Variants in TLN2 observed in about 807,000 individuals in gnomAD.
The protein encoded by TLN2 is talin-2.
A neutral mutation model predicts 294.7 loss-of-function variants in TLN2; 118 were observed. The ratio of observed to expected loss-of-function variants is 0.40; its 90% CI spans 0.34 to 0.47. The LOEUF (loss-of-function observed/expected upper bound fraction) is 0.47, where lower values mean the gene tolerates loss of function less well. TLN2 is among the 20% of genes least tolerant of loss of function. TLN2 has a pLI of 0.84. For missense variants in TLN2, 3,083 were observed against 3,282.2 expected, an observed-to-expected ratio of 0.94 and a Z score of 1.48; for synonymous variants, 1,431 against 1,304.5, an observed-to-expected ratio of 1.10 and a Z score of -2.09.
chr15:62,542,153 C>T (rs144445894), intron 1 of TLN2, among the ~76,000 whole-genome samples: 14 of 152,118 alleles, frequency 9.2e-5, no homozygotes, highest in Admixed American at 8.5e-4. Context: ...ATGCTTAATT[C>T]AGTTGTCTTC....
intron 32 of TLN2, among the ~76,000 whole-genome samples, chr15:62,742,072 T>A (rs28508395): frequency 0.057 from 8,078 of 142,176 alleles, 378 homozygotes; most frequent in African/African-American, 0.12. Context: ...TGTGTGTGTG[T>A]GTGAAGGGTT....
chr15:62,488,910 C>T (rs940317683), intron 1 of TLN2, among the ~76,000 whole-genome samples: 5 of 152,326 alleles, frequency 3.3e-5, no homozygotes, highest in African/African-American at 7.2e-5. Context: ...CGCCTGTAAT[C>T]GCAGCACTTT....
chr15:62,766,112 C>A (rs1243723332), intron 40 of TLN2, among the ~76,000 whole-genome samples: 4 of 152,178 alleles, frequency 2.6e-5, no homozygotes, highest in Admixed American at 6.5e-5. Context: ...GTTGCAAAAG[C>A]ATCTCTCATG....
At position 62,491,345 on chromosome 15, in the gene TLN2, TATATATACAC is replaced by T. The variant is rs1361757880; in HGVS notation, c.-237-98340_-237-98331del. On this transcript the variant is annotated intron_variant, in intron 1 of 58. Coordinates refer to ENST00000636159, the MANE Select transcript of TLN2 (RefSeq NM_015059.3). ...CTGTCTCAAAAAAAAAAAATATATA[TATATATACAC>T]ACACACACACACACACACACACACA... Among the ~76,000 whole-genome samples, 143 of 115,184 alleles carry T rather than the reference TATATATACAC, an allele frequency of 1.2e-3. 1 individual carries two copies. The highest frequency in any genetic ancestry group is 4.1e-3 in the African/African-American group (129 of 31,422). 75.6% of individuals were successfully genotyped at this position (115,184 alleles called of 152,430 possible).
intron 1 of TLN2, among the ~76,000 whole-genome samples, chr15:62,465,651 T>C (rs2037092500): frequency 6.6e-6 from 1 of 152,218 alleles, no homozygotes; most frequent in Non-Finnish European, 1.5e-5. Flanking sequence ...TCTCTATCCA[T>C]GAAACAATGG....
At position 62,739,406 on chromosome 15, in the gene TLN2, C is replaced by T. The variant is rs761170265; in HGVS notation, c.3746C>T (p.Ala1249Val). The change falls in exon 31 of 59, where the codon GCT (alanine) becomes GTT (valine). Residue 1249 changes from alanine to valine, a missense_variant. Transcript: ENST00000636159. ...EAQSELNQAA[A>V]DLNQSAGEVV... ...CAGAGTGAACTGAACCAGGCAGCAG[C>T]TGATCTGAACCAGTCTGCTGGGGAA... 1 of 1,614,190 alleles carries T rather than the reference C, an allele frequency of 6.2e-7. No individual in the cohort carries two copies. The highest frequency in any genetic ancestry group is 8.5e-7 in the Non-Finnish European group (1 of 1,180,034).
chr15:62,580,997 C>T (rs1440416624), intron 1 of TLN2, among the ~76,000 whole-genome samples: 1 of 151,848 alleles, frequency 6.6e-6, no homozygotes, highest in Non-Finnish European at 1.5e-5. Context: ...GATTCTCCTG[C>T]CTCAGCTTCC....
At chr15:62,695,736 C>G (rs2058283038) in intron 14 of TLN2, among the ~76,000 whole-genome samples, 1 of 152,202 alleles carries the variant, frequency 6.6e-6, no homozygotes, top group Non-Finnish European at 1.5e-5. Flanking sequence ...TGATAAGTTT[C>G]TAGTACTTGC....
At chr15:62,501,469 C>G (rs1234147401) in intron 1 of TLN2, among the ~76,000 whole-genome samples, 1 of 152,172 alleles carries the variant, frequency 6.6e-6, no homozygotes, top group Non-Finnish European at 1.5e-5. Flanking sequence ...GCTGGATACA[C>G]TTAGTTGTTT....
Position 62,810,026 on chromosome 15 carries a change from C to A in TLN2, c.6765C>A (p.Val2255=). The part of the protein sequence containing the change: ...TLGYLDLLEH[V]LVILQKPTPE... ...GCTACTTGGACCTCCTGGAGCACGT[C>A]TTGGTGGTAAGAAAGCGCATGAGTC... The change falls in exon 52 of 59, where the codon GTC becomes GTA. Residue 2255 remains valine, a synonymous_variant. Coordinates refer to ENST00000636159, the MANE Select transcript of TLN2 (RefSeq NM_015059.3). The A allele has an allele frequency of 6.2e-7, 1 of 1,613,942 alleles. No homozygotes were observed. Among genetic ancestry groups the A allele is most frequent in the Non-Finnish European group, 8.5e-7 (1 of 1,179,868 alleles).
chr15:62,644,643 C>T, intron 3 of TLN2: 1 of 455,350 alleles, frequency 2.2e-6, no homozygotes, highest in Non-Finnish European at 4.4e-6. Flanking sequence ...CCTTGCGGAC[C>T]CCGCAGCCCC....
In TLN2 at chr15:62,617,338, G is replaced by T. The variant is rs181039249; in HGVS notation, c.-161-1013G>T. Among the ~76,000 whole-genome samples the T allele has an allele frequency of 7.7e-3, 1,179 of 152,206 alleles. 18 individuals are homozygous for T. Among genetic ancestry groups the T allele is most frequent in the African/African-American group, 0.027 (1,128 of 41,512 alleles). On this transcript the variant is annotated intron_variant, in intron 2 of 58. Transcript: ENST00000636159. ...GACCACAGTGACTTTGGCATGGGCT[G>T]CTCCTGGAACCATTCCTTGGATTCC...
intron 9 of TLN2, among the ~76,000 whole-genome samples, chr15:62,673,322 T>TTTTTTTTTTTTTTTTTTTA (rs1555465070): frequency 7.1e-6 from 1 of 140,126 alleles, no homozygotes; most frequent in Non-Finnish European, 1.5e-5. Context: ...TTTTTTTTTT[T>TTTTTTTTTTTTTTTTTTTA]TTTTTTGCAA....
intron 3 of TLN2, among the ~76,000 whole-genome samples, chr15:62,632,175 T>C (rs2049963813): frequency 6.6e-6 from 1 of 152,242 alleles, no homozygotes; most frequent in Admixed American, 6.5e-5. Flanking sequence ...ACGGAGTACA[T>C]AGTCTCATTC....
chr15:62,464,389 C>T (rs2036990711), intron 1 of TLN2, among the ~76,000 whole-genome samples: 1 of 152,032 alleles, frequency 6.6e-6, no homozygotes, highest in Non-Finnish European at 1.5e-5. Context: ...CACTTGGACA[C>T]AGGAAGGGGA....
intron 1 of TLN2, among the ~76,000 whole-genome samples, chr15:62,508,794 G>T (rs2039773815): frequency 6.6e-6 from 1 of 152,122 alleles, no homozygotes; most frequent in Non-Finnish European, 1.5e-5. Flanking sequence ...ACGTTTTTGT[G>T]TGTGTGTGTA....
At chr15:62,426,717 A>G (rs893600787) in intron 1 of TLN2, among the ~76,000 whole-genome samples, 1 of 151,776 alleles carries the variant, frequency 6.6e-6, no homozygotes, top group African/African-American at 2.4e-5. Flanking sequence ...GCTTCATGGT[A>G]TTTTTTTCAT....
At chr15:62,616,534 T>A (rs557509003) in intron 2 of TLN2, among the ~76,000 whole-genome samples, 112 of 152,304 alleles carry the variant, frequency 7.4e-4, no homozygotes, top group African/African-American at 2.5e-3. Flanking sequence ...CCTCAAGTGA[T>A]CCTTCTGCCT....
At chr15:62,839,186 C>A (rs1453329947) in intron 58 of TLN2, among the ~76,000 whole-genome samples, 1 of 152,158 alleles carries the variant, frequency 6.6e-6, no homozygotes. Context: ...GCCACGTGGT[C>A]CACGTTGGTT....
Sources: allele counts gnomAD v4.1 joint callset (sites outside exome capture counted in the v4.1 genomes callset), GRCh38; gene constraint gnomAD v4.1.1; transcripts MANE v1.5; gene names NCBI Gene and HGNC (gene_info 2026-07-23, HGNC 2026-07-21).